The following KYNU variants were observed in gnomAD, a reference collection of about 807,000 sequenced individuals.
KYNU encodes L-kynurenine hydrolase.
A neutral mutation model predicts 59.2 loss-of-function variants in KYNU; 54 were observed. That is an observed-to-expected ratio of 0.91 (90% CI 0.73 to 1.14). The LOEUF (loss-of-function observed/expected upper bound fraction) is 1.14. KYNU is among the 50% of genes most tolerant of loss of function. KYNU has a pLI of 0.00. For synonymous variants in KYNU, 177 were observed against 192.0 expected, an observed-to-expected ratio of 0.92 and a Z score of 0.65; for missense variants, 567 against 554.4, an observed-to-expected ratio of 1.02 and a Z score of -0.23.
intron 4 of KYNU, among the ~76,000 whole-genome samples, chr2:142,939,871 G>A (rs1259984017): frequency 6.6e-6 from 1 of 152,164 alleles, no homozygotes; most frequent in Non-Finnish European, 1.5e-5. Context: ...TTGAGTGAAA[G>A]ACTTTCCCAA....
chr2:143,035,443 G>A (rs1053657259), intron 12 of KYNU, among the ~76,000 whole-genome samples: 7 of 152,106 alleles, frequency 4.6e-5, no homozygotes, highest in African/African-American at 1.7e-4. Flanking sequence ...ACTGTAAATT[G>A]CAAAATTTTT....
At chr2:143,039,760 T>C (rs902080300) in intron 12 of KYNU, among the ~76,000 whole-genome samples, 3 of 152,150 alleles carry the variant, frequency 2.0e-5, no homozygotes, top group Non-Finnish European at 4.4e-5. Context: ...GTCTGAGTCC[T>C]GAAGACCTTC....
At chr2:143,004,416 A>G (rs1373842704) in intron 10 of KYNU, among the ~76,000 whole-genome samples, 1 of 152,188 alleles carries the variant, frequency 6.6e-6, no homozygotes, top group Non-Finnish European at 1.5e-5. Context: ...TAGAGGAAAT[A>G]AAAAATAAAG....
At chr2:142,929,698 T>C (rs892339316) in intron 4 of KYNU, among the ~76,000 whole-genome samples, 6 of 152,186 alleles carry the variant, frequency 3.9e-5, no homozygotes, top group Non-Finnish European at 8.8e-5. Flanking sequence ...CATAGGATTA[T>C]AGATGGAGTC....
chr2:142,905,430 G>A (rs1682258727), intron 2 of KYNU, among the ~76,000 whole-genome samples: 1 of 152,188 alleles, frequency 6.6e-6, no homozygotes, highest in South Asian at 2.1e-4. Flanking sequence ...AATCACCCGA[G>A]AGGAAGCATC....
chr2:143,009,157 C>T (rs1279773114), intron 10 of KYNU, among the ~76,000 whole-genome samples: 286 of 81,746 alleles, frequency 3.5e-3, no homozygotes, highest in East Asian at 0.011. Context: ...ATTGATAGAC[C>T]GCTAGCAAGA....
In KYNU at chr2:143,049,500, T is replaced by C. The variant is rs747736595; in HGVS notation, c.*7328T>C. The C allele has an allele frequency of 1.3e-5, 2 of 152,182 alleles. No homozygotes were observed. Among genetic ancestry groups the C allele is most frequent in the Non-Finnish European group, 2.9e-5 (2 of 68,042 alleles). The allele number at this position is 152,182 out of a possible 1,614,324, so 9.4% of individuals were successfully genotyped here. ...TGTATCAGTCAGGAGAAGGATAATC[T>C]TCACACTACAGTTTATGCTTCAGAA... On this transcript the variant is annotated 3_prime_UTR_variant, in exon 14 of 14. Coordinates refer to ENST00000264170, the MANE Select transcript of KYNU (RefSeq NM_003937.3).
chr2:142,977,495 G>T lies in KYNU; in HGVS notation c.730-7589G>T, dbSNP rs1292414813. Among the ~76,000 whole-genome samples the T allele has an allele frequency of 2.6e-5, 4 of 151,826 alleles. No individual in the cohort carries two copies. The East Asian group carries it at 7.7e-4, about 29-fold the overall frequency. ...TGTCCTGCAGAAAACGTAAGCTTTGGTTCTGGTTGCCGTGTGACATGATTT... is the reference window on the plus strand; with the variant it reads ...TGTCCTGCAGAAAACGTAAGCTTTGTTTCTGGTTGCCGTGTGACATGATTT... On this transcript the variant is annotated intron_variant, in intron 8 of 13. Transcript: ENST00000264170.
chr2:142,938,560 G>T (rs753601834), intron 4 of KYNU, among the ~76,000 whole-genome samples: 2 of 152,162 alleles, frequency 1.3e-5, no homozygotes, highest in Non-Finnish European at 2.9e-5. Context: ...ACTGGAGCAG[G>T]TTACAGTTTG....
rs1165314929 is a variant in KYNU at position 143,054,729 on chromosome 2, G to A, written c.*12557G>A. 6.6e-6 allele frequency: 1 copy of A among 152,136 alleles called. No individual in the cohort carries two copies. The allele number at this position is 152,136 out of a possible 1,614,324, so 9.4% of individuals were successfully genotyped here. A position where few individuals can be genotyped will look rare whatever the true frequency, so the allele number is the denominator to read the frequency against. On this transcript the variant is annotated 3_prime_UTR_variant, in exon 14 of 14. Coordinates refer to ENST00000264170, the MANE Select transcript of KYNU (RefSeq NM_003937.3). Reference sequence around the variant, plus strand: ...GGGCAATTAAATGATACCATAAAGAGTCAAATACAGGGCATGCAACATAGC... The same window carrying A: ...GGGCAATTAAATGATACCATAAAGAATCAAATACAGGGCATGCAACATAGC...
intron 8 of KYNU, among the ~76,000 whole-genome samples, chr2:142,970,663 G>A (rs368553431): frequency 1.2e-3 from 182 of 152,296 alleles, no homozygotes; most frequent in African/African-American, 4.2e-3. Flanking sequence ...AGTTGTGATT[G>A]GCACCATGTT....
intron 2 of KYNU, among the ~76,000 whole-genome samples, chr2:142,907,412 G>T (rs1027594721): frequency 6.6e-6 from 1 of 152,212 alleles, no homozygotes; most frequent in Non-Finnish European, 1.5e-5. Context: ...ACTTTAGCCC[G>T]ATCAGGAGTG....
intron 8 of KYNU, among the ~76,000 whole-genome samples, chr2:142,977,663 T>G (rs1001491704): frequency 2.0e-5 from 3 of 152,144 alleles, no homozygotes; most frequent in African/African-American, 7.2e-5. Flanking sequence ...TATAAATAAA[T>G]GAAGCTTAAT....
intron 12 of KYNU, among the ~76,000 whole-genome samples, chr2:143,036,101 C>G (rs2104921533): frequency 6.6e-6 from 1 of 152,040 alleles, no homozygotes; most frequent in South Asian, 2.1e-4. Flanking sequence ...GCTATGTTGT[C>G]CACGTTAATC....
At chr2:142,910,899 TG>T (rs1202647768) in intron 2 of KYNU, among the ~76,000 whole-genome samples, 1 of 152,194 alleles carries the variant, frequency 6.6e-6, no homozygotes, top group African/African-American at 2.4e-5. Flanking sequence ...GGCTTTATTC[TG>T]GGTTCTCTAA....
intron 8 of KYNU, among the ~76,000 whole-genome samples, chr2:142,962,950 A>C (rs1413911184): frequency 1.3e-5 from 2 of 152,210 alleles, no homozygotes; most frequent in African/African-American, 2.4e-5. Context: ...AGAAAGAGAT[A>C]GGAAATTCTA....
chr2:142,965,234 C>T (rs1185218284), intron 8 of KYNU, among the ~76,000 whole-genome samples: 1 of 152,206 alleles, frequency 6.6e-6, no homozygotes, highest in African/African-American at 2.4e-5. Context: ...GATGTCTCTA[C>T]TGTATCATCA....
At chr2:142,882,022 G>A (rs1190316706) in intron 1 of KYNU, among the ~76,000 whole-genome samples, 1 of 151,118 alleles carries the variant, frequency 6.6e-6, no homozygotes, top group East Asian at 1.9e-4. Flanking sequence ...CCAGTGCTGG[G>A]GTAACAGGTG....
chr2:142,957,541 A>G, intron 6 of KYNU, 100 bp from the exon 7 acceptor site: 3 of 745,750 alleles, frequency 4.0e-6, no homozygotes, highest in Non-Finnish European at 7.1e-6. Context: ...CTTGGATTTA[A>G]TATAATAATA....
Sources: allele counts gnomAD v4.1 joint callset (sites outside exome capture counted in the v4.1 genomes callset), GRCh38; gene constraint gnomAD v4.1.1; transcripts MANE v1.5; gene names NCBI Gene and HGNC (gene_info 2026-07-23, HGNC 2026-07-21).